FILIP1L: variants seen among roughly 807,000 people sequenced by gnomAD.
FILIP1L encodes filamin A-interacting protein 1-like.
A neutral mutation model predicts 96.6 loss-of-function variants in FILIP1L; 55 were observed. The observed-to-expected ratio is 0.57, with a 90% CI of 0.46 to 0.71. The LOEUF (loss-of-function observed/expected upper bound fraction) is 0.71, where lower values mean the gene tolerates loss of function less well. Among genes scored for constraint, FILIP1L ranks in the 30% least tolerant of loss-of-function variants. The pLI, the probability that FILIP1L is intolerant of heterozygous loss-of-function variation, is 0.00. For synonymous variants in FILIP1L, 467 were observed against 473.9 expected (o/e 0.99, Z 0.19); for missense variants, 1,304 against 1,321.2 (o/e 0.99, Z 0.20).
chr3:99,923,575 C>T (rs530880086), intron 4 of FILIP1L, among the ~76,000 whole-genome samples: 1 of 152,202 alleles, frequency 6.6e-6, no homozygotes, highest in East Asian at 1.9e-4. Context: ...CGCACACCCC[C>T]CTCCCAACCT....
chr3:99,874,807 A>G (rs892531741), intron 4 of FILIP1L, among the ~76,000 whole-genome samples: 2 of 152,228 alleles, frequency 1.3e-5, no homozygotes, highest in Admixed American at 6.5e-5. Context: ...TCTGACAATT[A>G]AATATAAAAA....
chr3:100,098,377 AC>A (rs757706865), intron 1 of FILIP1L, among the ~76,000 whole-genome samples: 2 of 152,144 alleles, frequency 1.3e-5, no homozygotes, highest in Non-Finnish European at 2.9e-5. Context: ...CAGTTACTGA[AC>A]TTCTCTCAGG....
intron 1 of FILIP1L, among the ~76,000 whole-genome samples, chr3:99,957,441 C>G (rs1205496924): frequency 6.6e-6 from 1 of 151,920 alleles, no homozygotes; most frequent in Non-Finnish European, 1.5e-5. Flanking sequence ...TATGTATCTA[C>G]ACATATGTGT....
chr3:99,889,466 C>T (rs1706015415), intron 4 of FILIP1L, among the ~76,000 whole-genome samples: 1 of 152,000 alleles, frequency 6.6e-6, no homozygotes, highest in Admixed American at 6.5e-5. Context: ...CCCTTATGTT[C>T]TGGTGAGTCT....
At chr3:100,093,566 T>G (rs2066150524) in intron 1 of FILIP1L, among the ~76,000 whole-genome samples, 1 of 152,170 alleles carries the variant, frequency 6.6e-6, no homozygotes, top group Non-Finnish European at 1.5e-5. Flanking sequence ...TTCAACCAGT[T>G]TCCTCCAATG....
chr3:100,065,675 C>T (rs1370478442), intron 1 of FILIP1L, among the ~76,000 whole-genome samples: 3 of 111,188 alleles, frequency 2.7e-5, no homozygotes, highest in African/African-American at 9.0e-5. Flanking sequence ...AGCTGAGGTG[C>T]AAATGACACT....
At position 99,829,831 on chromosome 3, in the gene FILIP1L, A is replaced by G. The variant is rs1025754435; in HGVS notation, c.*583T>C. On this transcript the variant is annotated 3_prime_UTR_variant, in exon 6 of 6. Transcript: ENST00000477258. ...CACCAGTGATTGTCAGGTATTCTGC[A>G]CAAAGGATATATTCGGCTGTTATTC... is the stretch of plus-strand genomic sequence containing the variant. 5.3e-5 allele frequency among the ~76,000 whole-genome samples: 8 copies of G among 152,238 alleles called. No homozygotes were observed. The highest frequency in any genetic ancestry group is 4.4e-5 in the Non-Finnish European group (3 of 68,038).
At chr3:99,956,355 CTTTG>C (rs1708319128) in intron 1 of FILIP1L, among the ~76,000 whole-genome samples, 1 of 152,076 alleles carries the variant, frequency 6.6e-6, no homozygotes, top group African/African-American at 2.4e-5. Flanking sequence ...TCCATCTAAG[CTTTG>C]TTTGTTTTTG....
intron 1 of FILIP1L, among the ~76,000 whole-genome samples, chr3:100,050,594 C>T (rs2065354759): frequency 6.6e-6 from 1 of 152,074 alleles, no homozygotes; most frequent in Non-Finnish European, 1.5e-5. Flanking sequence ...TGCAGTGGTA[C>T]AATCTCTGCT....
intron 1 of FILIP1L, among the ~76,000 whole-genome samples, chr3:100,097,078 A>G (rs1411653557): frequency 9.9e-5 from 15 of 152,190 alleles, no homozygotes; most frequent in Admixed American, 9.8e-4. Context: ...CATTACTGTC[A>G]TTACTCCACT....
At chr3:99,982,312 G>A (rs1709149156) in intron 1 of FILIP1L, among the ~76,000 whole-genome samples, 1 of 151,388 alleles carries the variant, frequency 6.6e-6, no homozygotes, top group African/African-American at 2.4e-5. Flanking sequence ...TGAATGAAGA[G>A]CAAACTTTCA....
chr3:99,972,417 A>T (rs1026006032), intron 1 of FILIP1L, among the ~76,000 whole-genome samples: 1 of 152,220 alleles, frequency 6.6e-6, no homozygotes, highest in Admixed American at 6.5e-5. Flanking sequence ...TCTGTCTTGC[A>T]GCAGCATCGG....
chr3:100,028,343 T>C (rs2064964824), intron 1 of FILIP1L, among the ~76,000 whole-genome samples: 1 of 152,176 alleles, frequency 6.6e-6, no homozygotes, highest in Admixed American at 6.6e-5. Flanking sequence ...CTTTACTACT[T>C]TTGACTCTTC....
At chr3:100,062,882 T>C (rs1310924652) in intron 1 of FILIP1L, among the ~76,000 whole-genome samples, 1 of 152,198 alleles carries the variant, frequency 6.6e-6, no homozygotes, top group Non-Finnish European at 1.5e-5. Context: ...AAAGTGGACA[T>C]CATGAGACCT....
rs141639514 is a variant in FILIP1L at position 100,002,754 on chromosome 3, G to A, written c.-10-71724C>T. ...GGAGTGACTTGTCCAAAATGATGAAGCCTAGTCCCTTAGGCCTTAGACCAG... is the reference window on the plus strand; with the variant it reads ...GGAGTGACTTGTCCAAAATGATGAAACCTAGTCCCTTAGGCCTTAGACCAG... On this transcript the variant is annotated intron_variant, in intron 1 of 5. Coordinates refer to ENST00000477258, the MANE Select transcript of FILIP1L (RefSeq NM_001387850.1). Among the ~76,000 whole-genome samples, 285 of 152,274 alleles carry A rather than the reference G, an allele frequency of 1.9e-3. 2 individuals carry two copies. Among genetic ancestry groups the A allele is most frequent in the Admixed American group, 3.7e-3 (56 of 15,288 alleles).
At chr3:99,889,327 A>G (rs1706010027) in intron 4 of FILIP1L, among the ~76,000 whole-genome samples, 1 of 152,132 alleles carries the variant, frequency 6.6e-6, no homozygotes, top group Admixed American at 6.5e-5. Flanking sequence ...TTCATATTAT[A>G]TAATAACCCT....
chr3:100,043,734 TC>T (rs1488841845), intron 1 of FILIP1L, among the ~76,000 whole-genome samples: 1 of 152,232 alleles, frequency 6.6e-6, no homozygotes, highest in Non-Finnish European at 1.5e-5. Flanking sequence ...TATTTTAATC[TC>T]TGTATACATT....
At chr3:100,002,204 G>A (rs927695560) in intron 1 of FILIP1L, among the ~76,000 whole-genome samples, 1 of 152,076 alleles carries the variant, frequency 6.6e-6, no homozygotes, top group Non-Finnish European at 1.5e-5. Flanking sequence ...AAAGCTGCTG[G>A]GTAAATCACG....
At chr3:100,000,430 CT>C (rs1709809272) in intron 1 of FILIP1L, among the ~76,000 whole-genome samples, 1 of 152,094 alleles carries the variant, frequency 6.6e-6, no homozygotes, top group Admixed American at 6.6e-5. Flanking sequence ...ATGTCGTCAG[CT>C]GTAGATCTAG....
Sources: gnomAD v4.1 joint callset for allele counts (sites outside exome capture counted in the v4.1 genomes callset) on GRCh38, gnomAD v4.1.1 for gene constraint, MANE v1.5 for transcripts, NCBI Gene and HGNC (gene_info 2026-07-23, HGNC 2026-07-21) for gene names.